CADPS2: variants seen among roughly 807,000 people sequenced by gnomAD.
CADPS2 encodes the protein calcium-dependent secretion activator 2.
CADPS2 carries 93 observed loss-of-function variants against 172.5 expected under a neutral mutation model. That is an observed-to-expected ratio of 0.54 (90% CI 0.46 to 0.64). The LOEUF (loss-of-function observed/expected upper bound fraction) is 0.64, where lower values mean the gene tolerates loss of function less well. CADPS2 is among the 30% of genes least tolerant of loss of function. The pLI is 0.00. For synonymous variants in CADPS2, 546 were observed against 555.2 expected, an observed-to-expected ratio of 0.98 and a Z score of 0.23; for missense variants, 1,420 against 1,565.9, an observed-to-expected ratio of 0.91 and a Z score of 1.57.
chr7:122,766,223 C>T (rs1353581103), intron 1 of CADPS2, among the ~76,000 whole-genome samples: 1 of 152,036 alleles, frequency 6.6e-6, no homozygotes, highest in Non-Finnish European at 1.5e-5. Flanking sequence ...GGAATCCACC[C>T]CCATGGACCA....
chr7:122,698,981 T>C, intron 2 of CADPS2: 3 of 1,195,040 alleles, frequency 2.5e-6, no homozygotes, highest in Non-Finnish European at 3.5e-6. Context: ...GACAATTAAT[T>C]TAAAATAACG....
intron 3 of CADPS2, among the ~76,000 whole-genome samples, chr7:122,632,662 G>A (rs1057033646): frequency 2.0e-5 from 3 of 152,138 alleles, no homozygotes; most frequent in East Asian, 3.9e-4. Flanking sequence ...TGACTCTGTT[G>A]GTAATTTCTT....
At chr7:122,867,591 A>G (rs1251505431) in intron 1 of CADPS2, among the ~76,000 whole-genome samples, 1 of 152,202 alleles carries the variant, frequency 6.6e-6, no homozygotes, top group South Asian at 2.1e-4. Context: ...GGGAGAGGGC[A>G]TCAGATGATT....
intron 1 of CADPS2, among the ~76,000 whole-genome samples, chr7:122,839,703 A>G (rs1809797443): frequency 6.6e-6 from 1 of 152,188 alleles, no homozygotes; most frequent in African/African-American, 2.4e-5. Context: ...TGGTCATCAG[A>G]GAAATGCAAA....
At chr7:122,585,644 T>C (rs996159391) in intron 6 of CADPS2, 1 of 151,996 alleles carries the variant, frequency 6.6e-6, no homozygotes, top group Non-Finnish European at 1.5e-5. Flanking sequence ...TATCTTGCTG[T>C]CATTTTGTGT....
chr7:122,777,921 G>T (rs1042593677), intron 1 of CADPS2, among the ~76,000 whole-genome samples: 1 of 152,076 alleles, frequency 6.6e-6, no homozygotes, highest in Non-Finnish European at 1.5e-5. Flanking sequence ...CTGCTATAAC[G>T]ATACGCAAAA....
rs1042273300 is a variant in CADPS2 at position 122,491,239 on chromosome 7, AACAG to A, written c.1651+69_1651+72del. ...TCATCGAGAGGGGTTTAAATTGTAGAACAGACAAAGGATATTTATAAGAATTCCA... is the reference window on the plus strand; with the variant it reads ...TCATCGAGAGGGGTTTAAATTGTAGAACAAAGGATATTTATAAGAATTCCA... On this transcript the variant is annotated intron_variant, in intron 10 of 29. Coordinates refer to ENST00000449022, the MANE Select transcript of CADPS2 (RefSeq NM_017954.11). 91 of 957,536 alleles carry A rather than the reference AACAG, an allele frequency of 9.5e-5. 1 individual carries two copies. The African/African-American group carries it at 1.4e-3, about 15-fold the overall frequency. 59.3% of individuals were successfully genotyped at this position (957,536 alleles called of 1,614,324 possible).
chr7:122,666,154 C>T (rs2081172549), intron 2 of CADPS2, among the ~76,000 whole-genome samples: 1 of 152,128 alleles, frequency 6.6e-6, no homozygotes, highest in Admixed American at 6.6e-5. Context: ...AGTATTTACA[C>T]ATATGACCTT....
chr7:122,565,805 A>G (rs528908671), intron 7 of CADPS2, among the ~76,000 whole-genome samples: 25 of 152,286 alleles, frequency 1.6e-4, no homozygotes, highest in African/African-American at 6.0e-4. Context: ...TTTAAGATAT[A>G]TTCTCTTAGC....
chr7:122,753,359 A>T (rs2093027144), intron 1 of CADPS2, among the ~76,000 whole-genome samples: 1 of 152,204 alleles, frequency 6.6e-6, no homozygotes, highest in Admixed American at 6.5e-5. Flanking sequence ...CAAAGAGGAA[A>T]CTTTAAACTT....
At chr7:122,380,563 C>T (rs1457637892) in intron 24 of CADPS2, among the ~76,000 whole-genome samples, 1 of 152,020 alleles carries the variant, frequency 6.6e-6, no homozygotes, top group East Asian at 1.9e-4. Context: ...TGACACTCCA[C>T]CCCTCTCCCC....
At chr7:122,366,853 A>G (rs2040983896) in intron 25 of CADPS2, 1 of 151,974 alleles carries the variant, frequency 6.6e-6, no homozygotes, top group Non-Finnish European at 1.5e-5. Context: ...TGCACGTTAT[A>G]GGAAGGAGGG....
chr7:122,698,389 A>G, intron 2 of CADPS2: 1 of 1,613,926 alleles, frequency 6.2e-7, no homozygotes, highest in East Asian at 2.2e-5. Context: ...CCCCACCTCA[A>G]CCACGGCTGT....
At chr7:122,327,733 A>G (rs990440314) in intron 28 of CADPS2, among the ~76,000 whole-genome samples, 3 of 152,006 alleles carry the variant, frequency 2.0e-5, no homozygotes, top group Non-Finnish European at 4.4e-5. Flanking sequence ...CTTATTTAAT[A>G]CAATGCCAAA....
intron 7 of CADPS2, among the ~76,000 whole-genome samples, chr7:122,558,721 T>C (rs1587276055): frequency 6.6e-6 from 1 of 152,292 alleles, no homozygotes; most frequent in African/African-American, 2.4e-5. Flanking sequence ...TTTAGAGTGA[T>C]ATGGGGTTCA....
Position 122,442,826 on chromosome 7 carries a change from T to C in CADPS2, c.2289-1251A>G, listed in dbSNP as rs17144433. 5.0e-4 allele frequency among the ~76,000 whole-genome samples: 76 copies of C among 152,294 alleles called. No individual in the cohort carries two copies. In the East Asian group the frequency reaches 0.011, roughly 21 times the overall value. ...ATATCACATTTATCATTGTATTTACTGCTAAAAATGTCCTTTCTTAATCTT... is the reference window on the plus strand; with the variant it reads ...ATATCACATTTATCATTGTATTTACCGCTAAAAATGTCCTTTCTTAATCTT... On this transcript the variant is annotated intron_variant, in intron 15 of 29. Coordinates refer to ENST00000449022, the MANE Select transcript of CADPS2 (RefSeq NM_017954.11).
intron 3 of CADPS2, among the ~76,000 whole-genome samples, chr7:122,662,679 C>T (rs2080733392): frequency 1.3e-5 from 2 of 151,912 alleles, no homozygotes; most frequent in African/African-American, 2.4e-5. Flanking sequence ...GGCCTTTATC[C>T]CATTTTTGTA....
chr7:122,365,601 A>C (rs2040746657), intron 25 of CADPS2, among the ~76,000 whole-genome samples: 1 of 152,174 alleles, frequency 6.6e-6, no homozygotes, highest in Non-Finnish European at 1.5e-5. Flanking sequence ...GGGAGTATAT[A>C]AACACTTATG....
intron 2 of CADPS2, among the ~76,000 whole-genome samples, chr7:122,689,205 G>A (rs967023276): frequency 1.3e-5 from 2 of 152,090 alleles, no homozygotes; most frequent in Admixed American, 6.5e-5. Context: ...TCATCAAGGC[G>A]CTCAATCACC....
Sources: gnomAD v4.1 joint callset for allele counts (sites outside exome capture counted in the v4.1 genomes callset) on GRCh38, gnomAD v4.1.1 for gene constraint, MANE v1.5 for transcripts, NCBI Gene and HGNC (gene_info 2026-07-23, HGNC 2026-07-21) for gene names.